The following DGKB variants were observed in gnomAD, a reference collection of about 807,000 sequenced individuals.
The protein encoded by DGKB is diacylglycerol kinase beta, also known as 90 kDa diacylglycerol kinase.
A neutral mutation model predicts 114.3 loss-of-function variants in DGKB; 67 were observed. That is an observed-to-expected ratio of 0.59 (90% CI 0.48 to 0.72). DGKB has a LOEUF of 0.72. DGKB is among the 30% of genes least tolerant of loss of function. The pLI is 0.00. For synonymous variants in DGKB, 398 were observed against 323.1 expected (o/e 1.23, Z -2.49); for missense variants, 907 against 975.2 (o/e 0.93, Z 0.93).
chr7:14,319,908 G>A (rs147588017), intron 23 of DGKB, among the ~76,000 whole-genome samples: 224 of 152,266 alleles, frequency 1.5e-3, no homozygotes, highest in African/African-American at 5.1e-3. Context: ...GGAACACTTT[G>A]TTAAGATCTA....
chr7:14,307,048 T>A (rs967369478), intron 23 of DGKB, among the ~76,000 whole-genome samples: 2 of 152,178 alleles, frequency 1.3e-5, no homozygotes, highest in Non-Finnish European at 2.9e-5. Context: ...ATTATAGCAC[T>A]TATCATACTT....
chr7:14,507,617 C>T (rs867600610), intron 20 of DGKB, among the ~76,000 whole-genome samples: 2 of 152,084 alleles, frequency 1.3e-5, no homozygotes, highest in Middle Eastern at 3.2e-3. Context: ...TTCTTTCACC[C>T]TTTCTTTTCA....
intron 1 of DGKB, among the ~76,000 whole-genome samples, chr7:14,915,303 A>T (rs1360873246): frequency 5.3e-5 from 8 of 152,152 alleles, no homozygotes; most frequent in Admixed American, 5.2e-4. Context: ...ACTTGAGCCC[A>T]GGAATTCGAG....
rs79522640 is a variant in DGKB, at chr7:14,353,002, A to G, written c.1836-7611T>C. ...TAAAAGTGTCCCTAAGAAATTTATT[A>G]GAAAGATTTAATGAAATGTATGATA... On this transcript the variant is annotated intron_variant, in intron 21 of 25. Coordinates refer to ENST00000402815, the MANE Select transcript of DGKB (RefSeq NM_001350709.2). Among the ~76,000 whole-genome samples, 59 of 152,326 alleles carry G rather than the reference A, an allele frequency of 3.9e-4. 1 individual carries two copies. The East Asian group carries it at 0.01, about 27-fold the overall frequency.
At chr7:14,820,589 T>C (rs927613636) in intron 2 of DGKB, among the ~76,000 whole-genome samples, 1 of 152,200 alleles carries the variant, frequency 6.6e-6, no homozygotes, top group African/African-American at 2.4e-5. Flanking sequence ...GCTAGGCTTA[T>C]TGCAAACTTC....
At chr7:14,240,480 G>A (rs112719338) in intron 23 of DGKB, among the ~76,000 whole-genome samples, 1 of 151,988 alleles carries the variant, frequency 6.6e-6, no homozygotes, top group African/African-American at 2.4e-5. Context: ...TGCCATCCTG[G>A]ACTCACCTAA....
At chr7:14,880,521 C>G (rs1248043272) in intron 1 of DGKB, among the ~76,000 whole-genome samples, 5 of 152,070 alleles carry the variant, frequency 3.3e-5, no homozygotes, top group African/African-American at 9.7e-5. Context: ...CAATGGATTG[C>G]TAGTTACTCA....
chr7:14,327,799 A>G (rs1295583893), intron 23 of DGKB, among the ~76,000 whole-genome samples: 2 of 152,242 alleles, frequency 1.3e-5, no homozygotes, highest in East Asian at 3.9e-4. Flanking sequence ...GCAAAAAAGT[A>G]TTTATCACCA....
chr7:14,338,986 C>A (rs888988147), intron 22 of DGKB, among the ~76,000 whole-genome samples: 1 of 151,896 alleles, frequency 6.6e-6, no homozygotes, highest in Non-Finnish European at 1.5e-5. Flanking sequence ...GGGAGAGACT[C>A]GTTAGCATCT....
intron 1 of DGKB, among the ~76,000 whole-genome samples, chr7:14,912,008 T>A (rs1384167005): frequency 6.6e-6 from 1 of 152,204 alleles, no homozygotes; most frequent in Non-Finnish European, 1.5e-5. Context: ...TTGTACTTGT[T>A]TTAGTTTGTT....
intron 21 of DGKB, among the ~76,000 whole-genome samples, chr7:14,407,963 T>G (rs2128739933): frequency 6.6e-6 from 1 of 152,130 alleles, no homozygotes; most frequent in South Asian, 2.1e-4. Context: ...CATAAGGCAG[T>G]GAAAAACAGA....
intron 21 of DGKB, among the ~76,000 whole-genome samples, chr7:14,388,748 A>G (rs548643297): frequency 3.7e-4 from 56 of 152,294 alleles, no homozygotes; most frequent in African/African-American, 1.2e-3. Flanking sequence ...AGAAAAAAGA[A>G]GACTGACAAC....
At chr7:14,333,961 C>G (rs181172464) in intron 23 of DGKB, among the ~76,000 whole-genome samples, 1 of 152,258 alleles carries the variant, frequency 6.6e-6, no homozygotes, top group East Asian at 1.9e-4. Context: ...CAGTTGTGAG[C>G]ATGTTTAAAA....
At chr7:14,847,723 C>T (rs775990022) in intron 1 of DGKB, among the ~76,000 whole-genome samples, 1 of 152,190 alleles carries the variant, frequency 6.6e-6, no homozygotes, top group African/African-American at 2.4e-5. Context: ...TATAAAACTA[C>T]AACAGGAAGT....
intron 13 of DGKB, among the ~76,000 whole-genome samples, chr7:14,655,478 G>A (rs192295160): frequency 1.6e-3 from 242 of 151,870 alleles, no homozygotes; most frequent in African/African-American, 5.3e-3. Flanking sequence ...CAGTATGGAG[G>A]TTCCTTAAAA....
chr7:14,899,206 G>C (rs1004605607), intron 1 of DGKB, among the ~76,000 whole-genome samples: 9 of 152,038 alleles, frequency 5.9e-5, no homozygotes, highest in African/African-American at 1.7e-4. Flanking sequence ...TTTGCTTCCT[G>C]GCAAATTTTC....
At chr7:14,886,293 G>T (rs1040647091) in intron 1 of DGKB, among the ~76,000 whole-genome samples, 1 of 151,868 alleles carries the variant, frequency 6.6e-6, no homozygotes, top group African/African-American at 2.4e-5. Flanking sequence ...ATGGGAAGAA[G>T]TGTTTGGAAG....
At chr7:14,426,378 G>C (rs1365353155) in intron 21 of DGKB, among the ~76,000 whole-genome samples, 1 of 152,168 alleles carries the variant, frequency 6.6e-6, no homozygotes, top group Non-Finnish European at 1.5e-5. Context: ...TATTTGTGAG[G>C]AAGTAGCATT....
rs1011038227 is a variant in DGKB at position 14,146,407 on chromosome 7, G to C, written c.*2724C>G. On this transcript the variant is annotated 3_prime_UTR_variant, in exon 26 of 26. Transcript: ENST00000402815. Reference sequence around the variant, plus strand: ...CATTAATTTACATTTAAGAGTTTCAGCCACTTAAAACTTTATGTCTCCTAT... The same window carrying C: ...CATTAATTTACATTTAAGAGTTTCACCCACTTAAAACTTTATGTCTCCTAT... The C allele has an allele frequency of 3.9e-5, 6 of 152,114 alleles. No homozygotes were observed. Among genetic ancestry groups the C allele is most frequent in the African/African-American group, 1.4e-4 (6 of 41,422 alleles). 9.4% of individuals were successfully genotyped at this position (152,114 alleles called of 1,614,324 possible).
Sources: gnomAD v4.1 joint callset for allele counts (sites outside exome capture counted in the v4.1 genomes callset) on GRCh38, gnomAD v4.1.1 for gene constraint, MANE v1.5 for transcripts, NCBI Gene and HGNC (gene_info 2026-07-23, HGNC 2026-07-21) for gene names.